Variants in CBLN2 observed in about 807,000 individuals in gnomAD.
The protein encoded by CBLN2 is cerebellin 2 precursor, also known as cerebellin-2.
In CBLN2, 7 loss-of-function variants were observed where a neutral mutation model predicts 15.0. The observed-to-expected ratio is 0.47, with a 90% CI of 0.27 to 0.88. CBLN2 has a LOEUF of 0.88. Ranked by LOEUF, CBLN2 falls within the 40% of genes least tolerant of loss-of-function variation. The pLI, the probability that CBLN2 is intolerant of heterozygous loss-of-function variation, is 0.14. For missense variants in CBLN2, 242 were observed against 304.5 expected (o/e 0.79, Z 1.53); for synonymous variants, 149 against 135.2 (o/e 1.10, Z -0.71).
At position 72,542,210 on chromosome 18, in the gene CBLN2, A is replaced by C. The variant is rs2069120477; in HGVS notation, c.-50T>G. On this transcript the variant is annotated 5_prime_UTR_variant, in exon 3 of 5. Coordinates refer to ENST00000269503, the MANE Select transcript of CBLN2 (RefSeq NM_182511.4). The stretch of plus-strand genomic sequence containing the variant: ...GGGGGTGGAGGCCGGCGCCGGCGCG[A>C]GCGGCGCGGAAGGGCGCGAAGGAAC... The C allele has an allele frequency of 8.7e-7, 1 of 1,154,506 alleles. No homozygotes were observed. The highest frequency in any genetic ancestry group is 1.1e-6 in the Non-Finnish European group (1 of 935,724). The allele number at this position is 1,154,506 out of a possible 1,614,324, so 71.5% of individuals were successfully genotyped here.
At chr18:72,612,624 A>G (rs1314187260) in intron 1 of CBLN2, among the ~76,000 whole-genome samples, 1 of 151,962 alleles carries the variant, frequency 6.6e-6, no homozygotes, top group Non-Finnish European at 1.5e-5. Context: ...ACACAATCTT[A>G]CTGCACCTGC....
intron 1 of CBLN2, among the ~76,000 whole-genome samples, chr18:72,621,559 T>A (rs1411652032): frequency 6.6e-6 from 1 of 152,216 alleles, no homozygotes; most frequent in East Asian, 1.9e-4. Context: ...ACAAATTTCT[T>A]TGCCTATTCA....
intron 1 of CBLN2, among the ~76,000 whole-genome samples, chr18:72,633,479 C>T (rs1379207350): frequency 2.6e-5 from 4 of 152,180 alleles, no homozygotes; most frequent in African/African-American, 4.8e-5. Context: ...TAGCTTAAAA[C>T]ATCACCAGCT....
At chr18:72,636,511 A>G (rs2069813658) in intron 1 of CBLN2, among the ~76,000 whole-genome samples, 1 of 152,094 alleles carries the variant, frequency 6.6e-6, no homozygotes, top group Admixed American at 6.6e-5. Flanking sequence ...GGGTCATTTC[A>G]CCAGCTGGGC....
chr18:72,570,244 C>T (rs1249827995), intron 1 of CBLN2, among the ~76,000 whole-genome samples: 2 of 148,766 alleles, frequency 1.3e-5, no homozygotes, highest in Non-Finnish European at 1.5e-5. Flanking sequence ...TAAGTTAGCA[C>T]TTGTGACCAA....
upstream of CBLN2, among the ~76,000 whole-genome samples, chr18:72,547,242 G>A (rs1424438456): frequency 6.6e-6 from 1 of 152,032 alleles, no homozygotes; most frequent in Non-Finnish European, 1.5e-5. Flanking sequence ...TATCTTAAGC[G>A]AAATAACTCA....
At position 72,637,041 on chromosome 18, in the gene CBLN2, CAAA is replaced by C. The variant is rs113009406; in HGVS notation, c.15+1281_15+1283del. On this transcript the variant is annotated intron_variant, in intron 1 of 2. Coordinates refer to the CBLN2 transcript ENST00000581073. ...TCAGTGTTTATTAAAAACAAAACTG[CAAA>C]AAAAAAAAAAACCCAGTTGCAATGA... is the stretch of plus-strand genomic sequence containing the variant. 6.1e-4 allele frequency among the ~76,000 whole-genome samples: 78 copies of C among 127,606 alleles called. No homozygotes were observed. In the East Asian group the frequency reaches 6.8e-3, roughly 11 times the overall value. The allele number at this position is 127,606 out of a possible 152,430, so 83.7% of individuals were successfully genotyped here. A position where few individuals can be genotyped will look rare whatever the true frequency, so the allele number is the denominator to read the frequency against.
chr18:72,566,629 G>A (rs1477604910), intron 1 of CBLN2, among the ~76,000 whole-genome samples: 1 of 152,158 alleles, frequency 6.6e-6, no homozygotes, highest in African/African-American at 2.4e-5. Context: ...CAATAGAGTG[G>A]TGGTTACCAA....
chr18:72,537,987 G>A lies in CBLN2; in HGVS notation c.*189C>T, dbSNP rs550424923. On this transcript the variant is annotated 3_prime_UTR_variant, in exon 5 of 5. Coordinates refer to ENST00000269503, the MANE Select transcript of CBLN2 (RefSeq NM_182511.4). ...AAAACTAATTAGAGGCCAGGTTCCC[G>A]AGGAATTGTCAGTATTCCAAAAAAC... 6.0e-5 allele frequency: 37 copies of A among 612,162 alleles called. No homozygotes were observed. Among genetic ancestry groups the A allele is most frequent in the African/African-American group, 5.5e-4 (30 of 54,134 alleles). 37.9% of individuals were successfully genotyped at this position (612,162 alleles called of 1,614,324 possible).
At chr18:72,593,431 A>C (rs1012309728) in intron 1 of CBLN2, among the ~76,000 whole-genome samples, 1 of 152,150 alleles carries the variant, frequency 6.6e-6, no homozygotes, top group Non-Finnish European at 1.5e-5. Flanking sequence ...GGTTTTTCCA[A>C]ATATAAGATT....
In CBLN2 at chr18:72,541,715, C is replaced by A. The variant is rs773664309; in HGVS notation, c.357+89G>T. On this transcript the variant is annotated intron_variant, in intron 3 of 4. Coordinates refer to ENST00000269503, the MANE Select transcript of CBLN2 (RefSeq NM_182511.4). ...GGGAGGACAGAGCCTGGGAACTCCA[C>A]GTCCAAGAAGCCTGAACCCCAGCCC... is the stretch of plus-strand genomic sequence containing the variant. 2.9e-6 allele frequency: 3 copies of A among 1,039,016 alleles called. No individual in the cohort carries two copies. The East Asian group carries it at 8.5e-5, about 29-fold the overall frequency. 64.4% of individuals were successfully genotyped at this position (1,039,016 alleles called of 1,614,324 possible).
intron 1 of CBLN2, among the ~76,000 whole-genome samples, chr18:72,622,191 T>C (rs2069705763): frequency 6.6e-6 from 1 of 152,198 alleles, no homozygotes; most frequent in Admixed American, 6.5e-5. Context: ...CTCTTGAATG[T>C]TCTTATTTTC....
chr18:72,538,568 A>G, intron 4 of CBLN2, 85 bp downstream of exon 4: 1 of 1,564,144 alleles, frequency 6.4e-7, no homozygotes, highest in East Asian at 2.2e-5. Context: ...TGTCTCCCTC[A>G]GCCTCAGAGA....
In CBLN2 at chr18:72,543,176, G is replaced by T. The variant is rs915227603; in HGVS notation, c.-167+310C>A. ...CAGGTTTCTGCGAACTTACGCGCCC[G>T]TCTGCACTTTTGCCCCGTCCCCGCT... On this transcript the variant is annotated intron_variant, in intron 2 of 4. Transcript: ENST00000269503. This position sits in a 1 kb window ranked among gnomAD's most constrained non-coding sequence, Gnocchi z 6.8. 3.7e-6 allele frequency: 1 copy of T among 270,440 alleles called. No homozygotes were observed. The highest frequency in any genetic ancestry group is 2.2e-5 in the African/African-American group (1 of 45,482). The allele number at this position is 270,440 out of a possible 1,614,324, so 16.8% of individuals were successfully genotyped here.
chr18:72,612,705 AC>A (rs1332412064), intron 1 of CBLN2, among the ~76,000 whole-genome samples: 3 of 152,134 alleles, frequency 2.0e-5, no homozygotes, highest in African/African-American at 7.2e-5. Context: ...GATCTGAAAC[AC>A]CCACTTACCT....
At chr18:72,581,665 G>A (rs1174605096) in intron 1 of CBLN2, among the ~76,000 whole-genome samples, 3 of 152,090 alleles carry the variant, frequency 2.0e-5, no homozygotes, top group Non-Finnish European at 4.4e-5. Flanking sequence ...CATGTGTTGC[G>A]AATAACATCT....
intron 1 of CBLN2, among the ~76,000 whole-genome samples, chr18:72,625,489 T>G (rs925630842): frequency 1.1e-4 from 17 of 151,670 alleles, no homozygotes; most frequent in African/African-American, 3.9e-4. Context: ...GTTCTAGGAG[T>G]GGGTCAACCA....
At chr18:72,566,526 A>G (rs2069296087) in intron 1 of CBLN2, among the ~76,000 whole-genome samples, 1 of 152,202 alleles carries the variant, frequency 6.6e-6, no homozygotes, top group South Asian at 2.1e-4. Context: ...AGCCTAGAAG[A>G]CATTATGTTA....
chr18:72,552,682 A>G (rs763498484), intron 1 of CBLN2: 7 of 152,182 alleles, frequency 4.6e-5, no homozygotes, highest in Non-Finnish European at 8.8e-5. Context: ...TACATAGCGA[A>G]TTGATAATAT....
Sources: allele counts gnomAD v4.1 joint callset (sites outside exome capture counted in the v4.1 genomes callset), GRCh38; gene constraint gnomAD v4.1.1; non-coding constraint Gnocchi (gnomAD v3.1); transcripts MANE v1.5; gene names NCBI Gene and HGNC (gene_info 2026-07-23, HGNC 2026-07-21).